ZSCAN20: variants seen among roughly 807,000 people sequenced by gnomAD.
ZSCAN20 encodes zinc finger and SCAN domain-containing protein 20.
ZSCAN20 carries 39 observed loss-of-function variants against 97.1 expected under a neutral mutation model. The ratio of observed to expected loss-of-function variants is 0.40; its 90% confidence interval spans 0.31 to 0.52. The LOEUF (loss-of-function observed/expected upper bound fraction) is 0.52, where lower values mean the gene tolerates loss of function less well. Among genes scored for constraint, ZSCAN20 ranks in the 20% least tolerant of loss-of-function variants. The pLI, the probability that ZSCAN20 is intolerant of heterozygous loss-of-function variation, is 0.49. For missense variants in ZSCAN20, 1,115 were observed against 1,290.4 expected, an observed-to-expected ratio of 0.86 and a Z score of 2.08; for synonymous variants, 456 against 467.3, an observed-to-expected ratio of 0.98 and a Z score of 0.31.
In ZSCAN20 at chr1:33,491,521, A is replaced by G; in HGVS notation, c.1263A>G (p.Pro421=). 6.2e-7 allele frequency: 1 copy of G among 1,614,074 alleles called. No homozygotes were observed. The highest frequency in any genetic ancestry group is 8.5e-7 in the Non-Finnish European group (1 of 1,179,954). The change falls in exon 6 of 8, where the codon CCA becomes CCG. Residue 421 remains proline (P), a synonymous_variant. Transcript: ENST00000684572. This position sits in a 1 kb window ranked among gnomAD's most constrained non-coding sequence, Gnocchi z 4.3. ...CAGCCATCAGAGCCACAGATGGCCCAGGAGAGGCCGTGGCACTTCCCAGGC... is the reference window on the plus strand; with the variant it reads ...CAGCCATCAGAGCCACAGATGGCCCGGGAGAGGCCGTGGCACTTCCCAGGC... The part of the protein sequence containing the change: ...ARTAIRATDG[P]GEAVALPRLG...
chr1:33,500,920 G>A lies in ZSCAN20; in HGVS notation c.*5444G>A, dbSNP rs1049364582. 2.6e-5 allele frequency among the ~76,000 whole-genome samples: 4 copies of A among 151,802 alleles called. No homozygotes were observed. The highest frequency in any genetic ancestry group is 5.9e-5 in the Non-Finnish European group (4 of 68,012). On this transcript the variant is annotated 3_prime_UTR_variant, in exon 8 of 8. Transcript: ENST00000684572. ...AACTTGGTGGCAGGTGACAAATGTG[G>A]CACAAAGGAGAAAGGAGTCTTCTCC... is the stretch of plus-strand genomic sequence containing the variant.
chr1:33,488,144 C>T (rs918448126), intron 2 of ZSCAN20, among the ~76,000 whole-genome samples: 1 of 152,080 alleles, frequency 6.6e-6, no homozygotes, highest in African/African-American at 2.4e-5. Flanking sequence ...AAGTAAGCAA[C>T]CTATTTTTGA....
At chr1:33,488,064 CT>C (rs1474243075) in intron 2 of ZSCAN20, among the ~76,000 whole-genome samples, 2 of 151,912 alleles carry the variant, frequency 1.3e-5, no homozygotes, top group Non-Finnish European at 1.5e-5. Context: ...TATTTTTTTC[CT>C]GTTTTTATGC....
chr1:33,494,295 A>G lies in ZSCAN20; in HGVS notation c.1951A>G (p.Lys651Glu). 1 of 1,613,632 alleles carries G rather than the reference A, an allele frequency of 6.2e-7. No individual in the cohort carries two copies. Among genetic ancestry groups the G allele is most frequent in the Admixed American group, 1.7e-5 (1 of 59,854 alleles). ...IFEGLPGALSKCPTEAVCQPL... is the reference protein window; with the variant it reads ...IFEGLPGALSECPTEAVCQPL... ...TGAGGGTTTGCCTGGAGCCTTATCA[A>G]AATGTCCTACAGAAGCTGTTTGCCA... is the stretch of plus-strand genomic sequence containing the variant. Residue 651 changes from lysine (K) to glutamate (E), a missense_variant, in exon 8 of 8, where the codon AAA (lysine) becomes GAA (glutamate). This residue lies in a region of ZSCAN20 where 554 missense variants were observed against 584.9 expected (regional missense o/e 0.95). Coordinates refer to ENST00000684572, the MANE Select transcript of ZSCAN20 (RefSeq NM_001377376.1).
intron 5 of ZSCAN20, among the ~76,000 whole-genome samples, chr1:33,490,684 C>CACACACACACACACA (rs57345949): frequency 1.7e-4 from 22 of 127,920 alleles, no homozygotes; most frequent in African/African-American, 5.0e-4. Flanking sequence ...CACACACACA[C>CACACACACACACACA]CACACACCCT....
At position 33,495,081 on chromosome 1, in the gene ZSCAN20, A is replaced by G; in HGVS notation, c.2737A>G (p.Ser913Gly). The G allele has an allele frequency of 3.1e-6, 5 of 1,612,510 alleles. No individual in the cohort carries two copies. The highest frequency in any genetic ancestry group is 3.4e-6 in the Non-Finnish European group (4 of 1,178,808). ...YECAECGKSFSKSSTLANHQR... is the reference protein window; with the variant it reads ...YECAECGKSFGKSSTLANHQR... The stretch of plus-strand genomic sequence containing the variant: ...ATGTGCCGAATGTGGGAAAAGCTTC[A>G]GTAAGAGCTCCACCCTGGCCAACCA... Residue 913 changes from serine (S) to glycine (G), a missense_variant, in exon 8 of 8, where the codon AGT becomes GGT. Physicochemically the swap from Ser to Gly is moderately conservative, Grantham distance 56 (BLOSUM62 0). Around this residue, in one of 3 missense-constraint regions of ZSCAN20, gnomAD observed 554 missense variants for 584.9 expected, o/e 0.95. Coordinates refer to ENST00000684572, the MANE Select transcript of ZSCAN20 (RefSeq NM_001377376.1).
chr1:33,473,725 C>T (rs974697970), intron 1 of ZSCAN20, among the ~76,000 whole-genome samples: 2 of 152,128 alleles, frequency 1.3e-5, no homozygotes, highest in African/African-American at 4.8e-5. Flanking sequence ...AATTAAGTCA[C>T]CCCCAACCCT....
Position 33,491,431 on chromosome 1 carries a change from G to T in ZSCAN20, c.1173G>T (p.Lys391Asn). The T allele has an allele frequency of 6.2e-7, 1 of 1,614,208 alleles. No individual in the cohort carries two copies. Among genetic ancestry groups the T allele is most frequent in the Non-Finnish European group, 8.5e-7 (1 of 1,180,042 alleles). ...TCCTACGGAATTACCGGAAAGCCAA[G>T]AGCAGCCACCCACCAGGTACCTGCC... is the stretch of plus-strand genomic sequence containing the variant. ...KNLLRNYRKAKSSHPPGTCPF... is the reference protein window; with the variant it reads ...KNLLRNYRKANSSHPPGTCPF... Residue 391 changes from lysine to asparagine, a missense_variant, in exon 6 of 8, where the codon AAG becomes AAT. By Grantham distance (94) the Lys-to-Asn change is moderately conservative. Coordinates refer to ENST00000684572, the MANE Select transcript of ZSCAN20 (RefSeq NM_001377376.1). The surrounding 1 kb of genome is among the most constrained non-coding windows in gnomAD (Gnocchi z 4.3).
chr1:33,488,995 C>A, intron 3 of ZSCAN20, 120 bp from the exon 4 acceptor site: 1 of 780,844 alleles, frequency 1.3e-6, no homozygotes, highest in Non-Finnish European at 2.1e-6. Context: ...GGGAAGTCTG[C>A]ACTGGCCATA....
chr1:33,490,799 C>T (rs1652572579), intron 5 of ZSCAN20, among the ~76,000 whole-genome samples: 1 of 152,114 alleles, frequency 6.6e-6, no homozygotes, highest in Non-Finnish European at 1.5e-5. Context: ...TTCATAACAA[C>T]AACAACAACA....
chr1:33,481,118 A>G (rs917568858), intron 2 of ZSCAN20, among the ~76,000 whole-genome samples: 4 of 152,208 alleles, frequency 2.6e-5, no homozygotes, highest in Admixed American at 2.6e-4. Context: ...TTGAAGATAC[A>G]GGGAGACTAA....
At chr1:33,489,300 G>A in intron 4 of ZSCAN20, 109 bp downstream of exon 4, 1 of 1,239,624 alleles carries the variant, frequency 8.1e-7, no homozygotes, top group Admixed American at 2.0e-5. Flanking sequence ...AGGGCATGAG[G>A]CCCAGGGTGT....
At chr1:33,473,106 A>G (rs1000751741) in intron 1 of ZSCAN20, among the ~76,000 whole-genome samples, 4 of 152,030 alleles carry the variant, frequency 2.6e-5, no homozygotes, top group Non-Finnish European at 4.4e-5. Flanking sequence ...TAGAACAAGC[A>G]TATCTAATTT....
rs746701261 is a variant in ZSCAN20, at chr1:33,495,512, G to A, written c.*36G>A. The A allele has an allele frequency of 1.2e-5, 17 of 1,465,490 alleles. No homozygotes were observed. The highest frequency in any genetic ancestry group is 1.4e-5 in the African/African-American group (1 of 71,186). 90.8% of individuals were successfully genotyped at this position (1,465,490 alleles called of 1,614,324 possible). A position where few individuals can be genotyped will look rare whatever the true frequency, so the allele number is the denominator to read the frequency against. Reference sequence around the variant, plus strand: ...CCTCAACAACAAAGGAGGACTCAATGTATATATCTTATATCATAAGATGTA... The same window carrying A: ...CCTCAACAACAAAGGAGGACTCAATATATATATCTTATATCATAAGATGTA... On this transcript the variant is annotated 3_prime_UTR_variant, in exon 8 of 8. Coordinates refer to ENST00000684572, the MANE Select transcript of ZSCAN20 (RefSeq NM_001377376.1).
chr1:33,483,671 C>G (rs911864500), intron 2 of ZSCAN20, among the ~76,000 whole-genome samples: 2 of 83,484 alleles, frequency 2.4e-5, no homozygotes, highest in African/African-American at 5.4e-5. Flanking sequence ...AACCCCATTG[C>G]TATTGAAAAA....
In ZSCAN20 at chr1:33,495,200, G is replaced by A. The variant is rs1007147091; in HGVS notation, c.2856G>A (p.Val952=). 8.8e-6 allele frequency: 14 copies of A among 1,594,178 alleles called. No individual in the cohort carries two copies. The highest frequency in any genetic ancestry group is 1.2e-5 in the Non-Finnish European group (14 of 1,169,406). Residue 952 remains valine, a synonymous_variant, in exon 8 of 8, where the codon GTG becomes GTA. Transcript: ENST00000684572. ...CCAAGCTCATCACACACCAGAGAGT[G>A]CACACAGGAGAGAAGCCCTACAAAT... is the stretch of plus-strand genomic sequence containing the variant. ...ERSKLITHQR[V]HTGEKPYKCL...
At chr1:33,475,146 T>C (rs1651872416) in intron 1 of ZSCAN20, among the ~76,000 whole-genome samples, 2 of 152,168 alleles carry the variant, frequency 1.3e-5, no homozygotes, top group Non-Finnish European at 2.9e-5. Context: ...CTAGCACACA[T>C]AGAGGAGGCT....
chr1:33,495,468 G>A lies in ZSCAN20; in HGVS notation c.3124G>A (p.Ala1042Thr). Reference protein sequence around the residue: ...AHRRTHAGGKAS With the variant: ...AHRRTHAGGKTS ...CCGGAGAACCCATGCAGGAGGGAAG[G>A]CGTCGTAGGGGACAGTTTCCTCAAC... is the stretch of plus-strand genomic sequence containing the variant. Residue 1042 changes from alanine to threonine, a missense_variant, in exon 8 of 8, where the codon GCG becomes ACG. By Grantham distance (58) the Ala-to-Thr change is moderately conservative (BLOSUM62 0). Transcript: ENST00000684572. The A allele has an allele frequency of 1.3e-6, 2 of 1,518,580 alleles. No homozygotes were observed. Among genetic ancestry groups the A allele is most frequent in the Non-Finnish European group, 1.8e-6 (2 of 1,132,544 alleles). The allele number at this position is 1,518,580 out of a possible 1,614,324, so 94.1% of individuals were successfully genotyped here.
rs1270551250 is a variant in ZSCAN20 at position 33,501,610 on chromosome 1, ATAAGT to A, written c.*6138_*6142del. On this transcript the variant is annotated 3_prime_UTR_variant, in exon 8 of 8. Transcript: ENST00000684572. Reference sequence around the variant, plus strand: ...TCATATTTTGGGATGGAATGGCCTGATAAGTTAATAAATTATATTAAACTGCCAAA... The same window carrying A: ...TCATATTTTGGGATGGAATGGCCTGATAATAAATTATATTAAACTGCCAAA... Among the ~76,000 whole-genome samples, 3 of 147,914 alleles carry A rather than the reference ATAAGT, an allele frequency of 2.0e-5. No individual in the cohort carries two copies. Among genetic ancestry groups the A allele is most frequent in the African/African-American group, 7.6e-5 (3 of 39,470 alleles).
Sources: gnomAD v4.1 joint callset for allele counts (sites outside exome capture counted in the v4.1 genomes callset) on GRCh38, gnomAD v4.1.1 for gene constraint, gnomAD v4.1.1 regional missense constraint, Gnocchi (gnomAD v3.1) non-coding constraint, MANE v1.5 for transcripts, NCBI Gene and HGNC (gene_info 2026-07-23, HGNC 2026-07-21) for gene names.